Variants in FBLIM1 observed in about 807,000 individuals in gnomAD.
FBLIM1 encodes filamin binding LIM protein 1.
A neutral mutation model predicts 37.4 loss-of-function variants in FBLIM1; 29 were observed. The observed-to-expected ratio is 0.77, with a 90% CI of 0.58 to 1.06. The LOEUF (loss-of-function observed/expected upper bound fraction) is 1.06. Among genes scored for constraint, FBLIM1 ranks in the 50% least tolerant of loss-of-function variants. FBLIM1 has a pLI of 0.00. For synonymous variants in FBLIM1, 193 were observed against 199.0 expected (o/e 0.97, Z 0.25); for missense variants, 449 against 505.6 (o/e 0.89, Z 1.07).
chr1:15,780,318 C>G (rs1214822936), intron 8 of FBLIM1, among the ~76,000 whole-genome samples: 1 of 152,160 alleles, frequency 6.6e-6, no homozygotes, highest in African/African-American at 2.4e-5. Flanking sequence ...CTTGCCTCAG[C>G]CTCCTGAGTA....
At chr1:15,767,618 G>A (rs994162940) in intron 4 of FBLIM1, 55 bp downstream of exon 4, 19 of 607,016 alleles carry the variant, frequency 3.1e-5, no homozygotes, top group African/African-American at 1.2e-4. Context: ...GTTGGGGCAC[G>A]GGGAGTCTGG....
intron 1 of FBLIM1, among the ~76,000 whole-genome samples, chr1:15,759,786 A>G (rs575601384): frequency 8.8e-4 from 134 of 151,804 alleles, no homozygotes; most frequent in African/African-American, 3.1e-3. Flanking sequence ...CCAGCTCTCT[A>G]CCTCCTCTGT....
intron 6 of FBLIM1, among the ~76,000 whole-genome samples, chr1:15,773,567 C>T (rs1470547065): frequency 6.6e-6 from 1 of 151,252 alleles, no homozygotes; most frequent in Non-Finnish European, 1.5e-5. Context: ...GTAATCCCAC[C>T]TACTCGGGAG....
intron 8 of FBLIM1, among the ~76,000 whole-genome samples, chr1:15,783,040 C>T (rs966733693): frequency 3.3e-5 from 5 of 152,192 alleles, no homozygotes; most frequent in Admixed American, 2.0e-4. Context: ...ATGATCCGCC[C>T]GCCTCAGCCT....
At chr1:15,757,986 C>T (rs531062512), upstream of FBLIM1, 15 of 152,362 alleles carry the variant, frequency 9.8e-5, no homozygotes, top group African/African-American at 2.6e-4. This position sits in a 1 kb window ranked among gnomAD's most constrained non-coding sequence, Gnocchi z 4.1. Flanking sequence ...AGCGGCCTGT[C>T]CCCCGGGACA....
intron 8 of FBLIM1, among the ~76,000 whole-genome samples, chr1:15,782,958 G>T (rs2069680820): frequency 6.6e-6 from 1 of 151,988 alleles, no homozygotes; most frequent in African/African-American, 2.4e-5. Flanking sequence ...ACCACGCCCG[G>T]CTAATTTTTA....
rs372570591 is a variant in FBLIM1 at position 15,767,914 on chromosome 1, C to T, written c.438+351C>T. On this transcript the variant is annotated intron_variant, in intron 4 of 8. Transcript: ENST00000375766. ...TTTGTTTGTTTTTGAGATGGAGTCT[C>T]GCTCTGTCACCCAGGCTGGAGTGCA... Among the ~76,000 whole-genome samples the T allele has an allele frequency of 1.2e-3, 186 of 152,104 alleles. 1 individual carries two copies. The South Asian group carries it at 0.037, about 30-fold the overall frequency.
Position 15,785,225 on chromosome 1 carries a change from T to C in FBLIM1, c.*564T>C, listed in dbSNP as rs10803399. ...AGCAGGTGCCTGTAATCCCAGCTAC[T>C]GGGGAAAGCTGAGGCAGGAGAATTG... is the stretch of plus-strand genomic sequence containing the variant. On this transcript the variant is annotated 3_prime_UTR_variant, in exon 9 of 9. Transcript: ENST00000375766. The C allele has an allele frequency of 0.19, 29,180 of 151,726 alleles. 3,186 individuals are homozygous for C. Among genetic ancestry groups the C allele is most frequent in the South Asian group, 0.33 (1,589 of 4,806 alleles). The allele number at this position is 151,726 out of a possible 1,614,324, so 9.4% of individuals were successfully genotyped here.
rs764296444 is a variant in FBLIM1 at position 15,768,556 on chromosome 1, C to A, written c.467C>A (p.Pro156His). 2 of 1,608,322 alleles carry A rather than the reference C, an allele frequency of 1.2e-6. No individual in the cohort carries two copies. The highest frequency in any genetic ancestry group is 8.5e-7 in the Non-Finnish European group (1 of 1,178,386). The change falls in exon 5 of 9, where the codon CCC becomes CAC. Residue 156 changes from proline to histidine, a missense_variant. By Grantham distance (77) the Pro-to-His change is moderately conservative. Coordinates refer to ENST00000375766, the MANE Select transcript of FBLIM1 (RefSeq NM_017556.4). ...QAPAEGPSVQ[P>H]GPLRPMEEEL... ...CCAGCGGAGGGACCTTCAGTCCAGC[C>A]CGGTCCCCTCAGGCCCATGGAGGAA...
intron 8 of FBLIM1, among the ~76,000 whole-genome samples, chr1:15,779,641 G>A (rs2069585772): frequency 6.6e-6 from 1 of 152,008 alleles, no homozygotes; most frequent in Non-Finnish European, 1.5e-5. Flanking sequence ...AGTGTAGAGG[G>A]CTGGGGTTAT....
At chr1:15,768,011 G>A (rs1268233929) in intron 4 of FBLIM1, among the ~76,000 whole-genome samples, 1 of 152,116 alleles carries the variant, frequency 6.6e-6, no homozygotes, top group African/African-American at 2.4e-5. Flanking sequence ...AGTCTCCTGA[G>A]TATCTGGGAT....
chr1:15,771,239 G>GT lies in FBLIM1; in HGVS notation c.711+670dup, dbSNP rs1455901904. On this transcript the variant is annotated intron_variant, in intron 6 of 8. Coordinates refer to ENST00000375766, the MANE Select transcript of FBLIM1 (RefSeq NM_017556.4). ...AGGCATGAGCCACTGCGCCCAGCCT[G>GT]TTTTTTTTTGTTTTTTTTTTTTTTT... Among the ~76,000 whole-genome samples, 893 of 89,492 alleles carry GT rather than the reference G, an allele frequency of 1.0e-2. 9 individuals are homozygous for GT. The highest frequency in any genetic ancestry group is 0.054 in the Middle Eastern group (8 of 148). The allele number at this position is 89,492 out of a possible 152,430, so 58.7% of individuals were successfully genotyped here.
At chr1:15,780,571 G>C (rs4436388) in intron 8 of FBLIM1, among the ~76,000 whole-genome samples, 27,506 of 152,094 alleles carry the variant, frequency 0.18, 2,824 homozygotes, top group South Asian at 0.33. Flanking sequence ...AGTCAGTCCT[G>C]CTGAGGAGGC....
chr1:15,764,745 T>G, intron 2 of FBLIM1, 60 bp downstream of exon 2: 2 of 572,350 alleles, frequency 3.5e-6, no homozygotes, highest in Non-Finnish European at 3.0e-6. Context: ...AGTCAGGACT[T>G]TTGGGTCTCA....
chr1:15,763,251 G>C (rs2068760185), intron 1 of FBLIM1, among the ~76,000 whole-genome samples: 1 of 151,526 alleles, frequency 6.6e-6, no homozygotes, highest in Non-Finnish European at 1.5e-5. Flanking sequence ...TGTATTTTTA[G>C]TAGAGATGGG....
intron 7 of FBLIM1, among the ~76,000 whole-genome samples, chr1:15,776,646 C>T (rs1034101005): frequency 3.3e-5 from 5 of 151,526 alleles, no homozygotes; most frequent in South Asian, 2.1e-4. Flanking sequence ...GGGCGGATCA[C>T]GAGGTCAGGA....
Position 15,768,643 on chromosome 1 carries a change from G to A in FBLIM1, c.541+13G>A, listed in dbSNP as rs766409425. The A allele has an allele frequency of 1.5e-5, 24 of 1,597,984 alleles. No homozygotes were observed. The highest frequency in any genetic ancestry group is 2.0e-5 in the Non-Finnish European group (23 of 1,173,528). On this transcript the variant is annotated intron_variant, in intron 5 of 8. Transcript: ENST00000375766. ...GGGGCATCCACAGGTAGGTGCACAG[G>A]GCTGAGAGGATACTGGGGTGATCTC...
Position 15,770,514 on chromosome 1 carries a change from G to C in FBLIM1, c.647G>C (p.Arg216Pro), listed in dbSNP as rs776825526. ...TGCTTCACGTGCCGCACCTGCCGCC[G>C]CCAGCTGGCTGGGCAGAGCTTCTAC... Reference protein sequence around the residue: ...AQCFTCRTCRRQLAGQSFYQK... With the variant: ...AQCFTCRTCRPQLAGQSFYQK... The change falls in exon 6 of 9, where the codon CGC becomes CCC. Residue 216 changes from arginine (R) to proline (P), a missense_variant. By Grantham distance (103) the Arg-to-Pro change is moderately radical. Coordinates refer to ENST00000375766, the MANE Select transcript of FBLIM1 (RefSeq NM_017556.4). The C allele has an allele frequency of 6.2e-7, 1 of 1,613,792 alleles. No homozygotes were observed. The highest frequency in any genetic ancestry group is 8.5e-7 in the Non-Finnish European group (1 of 1,179,994).
chr1:15,765,244 A>G lies in FBLIM1; in HGVS notation c.250+11A>G, dbSNP rs1457370914. On this transcript the variant is annotated intron_variant, in intron 3 of 8. Transcript: ENST00000375766. The surrounding 1 kb of genome is among the most constrained non-coding windows in gnomAD (Gnocchi z 5.9). Reference sequence around the variant, plus strand: ...AGCTCTTCAATGGAGGTAAGAGCTGAGGGGACTTTGGGGAAGACCACGTCA... The same window carrying G: ...AGCTCTTCAATGGAGGTAAGAGCTGGGGGGACTTTGGGGAAGACCACGTCA... 1 of 1,598,748 alleles carries G rather than the reference A, an allele frequency of 6.3e-7. No individual in the cohort carries two copies. Among genetic ancestry groups the G allele is most frequent in the East Asian group, 2.3e-5 (1 of 44,420 alleles).
Sources: gnomAD v4.1 joint callset for allele counts (sites outside exome capture counted in the v4.1 genomes callset) on GRCh38, gnomAD v4.1.1 for gene constraint, Gnocchi (gnomAD v3.1) non-coding constraint, MANE v1.5 for transcripts, NCBI Gene and HGNC (gene_info 2026-07-23, HGNC 2026-07-21) for gene names.